The following PPP3CA variants were observed in gnomAD, a reference collection of about 807,000 sequenced individuals.
PPP3CA encodes the protein protein phosphatase 3 catalytic subunit alpha.
Under a neutral mutation model 66.5 loss-of-function variants are expected in PPP3CA, and 14 were observed. The observed-to-expected ratio is 0.21, with a 90% CI of 0.14 to 0.33. The LOEUF (loss-of-function observed/expected upper bound fraction) is 0.33. Ranked by LOEUF, PPP3CA falls within the 10% of genes least tolerant of loss-of-function variation. The pLI, the probability that PPP3CA is intolerant of heterozygous loss-of-function variation, is 1.00. For synonymous variants in PPP3CA, 232 were observed against 226.2 expected (o/e 1.03, Z -0.23); for missense variants, 317 against 639.5 (o/e 0.50, Z 5.44).
At chr4:101,260,491 C>A (rs905258436) in intron 1 of PPP3CA, among the ~76,000 whole-genome samples, 2 of 152,112 alleles carry the variant, frequency 1.3e-5, no homozygotes, top group African/African-American at 4.8e-5. Context: ...CCATTCTAGT[C>A]CATATGGAAA....
chr4:101,129,751 AT>A (rs1235847224), intron 2 of PPP3CA, among the ~76,000 whole-genome samples: 1 of 152,232 alleles, frequency 6.6e-6, no homozygotes, highest in African/African-American at 2.4e-5. Context: ...GGTCAACAGC[AT>A]CAAAGACCAA....
intron 8 of PPP3CA, 68 bp from the exon 9 acceptor site, chr4:101,063,425 T>A (rs1728555703): frequency 2.7e-6 from 4 of 1,505,664 alleles, no homozygotes; most frequent in Non-Finnish European, 2.7e-6. Context: ...TGGCTTTAGC[T>A]CATCAAGAAA....
intron 6 of PPP3CA, among the ~76,000 whole-genome samples, chr4:101,090,999 ATC>A (rs1284394039): frequency 6.6e-6 from 1 of 150,738 alleles, no homozygotes; most frequent in Non-Finnish European, 1.5e-5. Flanking sequence ...ATATATACAC[ATC>A]TGTGTCTAAT....
chr4:101,252,268 C>T (rs772741979), intron 1 of PPP3CA, among the ~76,000 whole-genome samples: 5 of 152,136 alleles, frequency 3.3e-5, no homozygotes, highest in Non-Finnish European at 7.4e-5. Context: ...GACATTTTCC[C>T]ATGTTAGTCG....
chr4:101,277,244 T>C (rs1401635688), intron 1 of PPP3CA, among the ~76,000 whole-genome samples: 2 of 152,162 alleles, frequency 1.3e-5, no homozygotes, highest in Admixed American at 1.3e-4. Context: ...CTCATTTCTT[T>C]ATATCTCTGA....
chr4:101,139,696 G>GTTTTTTTTTTTTTTTTTTT (rs372257350), intron 2 of PPP3CA, among the ~76,000 whole-genome samples: 7 of 98,404 alleles, frequency 7.1e-5, no homozygotes, highest in African/African-American at 8.0e-5. Context: ...TTTTTTTTGT[G>GTTTTTTTTTTTTTTTTTTT]TTTTTTTTTT....
intron 8 of PPP3CA, among the ~76,000 whole-genome samples, chr4:101,074,316 T>C (rs1729052387): frequency 1.3e-5 from 2 of 152,166 alleles, no homozygotes; most frequent in Admixed American, 1.3e-4. Flanking sequence ...AGATCTGAGC[T>C]AGCTGATTCT....
chr4:101,208,376 A>G (rs1432423848), intron 1 of PPP3CA, among the ~76,000 whole-genome samples: 7 of 152,220 alleles, frequency 4.6e-5, no homozygotes, highest in Admixed American at 1.3e-4. Context: ...ACCACAGCGC[A>G]GTTCCACACC....
chr4:101,338,351 C>A (rs903677099), intron 1 of PPP3CA, among the ~76,000 whole-genome samples: 6 of 152,224 alleles, frequency 3.9e-5, no homozygotes, highest in African/African-American at 1.4e-4. Flanking sequence ...CAAGTCAAGA[C>A]TCATCAGACA....
intron 1 of PPP3CA, among the ~76,000 whole-genome samples, chr4:101,326,327 T>C (rs1333185302): frequency 6.6e-6 from 1 of 152,214 alleles, no homozygotes; most frequent in Non-Finnish European, 1.5e-5. Context: ...AGAAAATTAT[T>C]TAGCATCTTT....
chr4:101,327,687 G>A (rs1478187771), intron 1 of PPP3CA, among the ~76,000 whole-genome samples: 1 of 148,196 alleles, frequency 6.7e-6, no homozygotes, highest in Non-Finnish European at 1.5e-5. Flanking sequence ...TATAAATGTT[G>A]GGCATAATGA....
intron 2 of PPP3CA, among the ~76,000 whole-genome samples, chr4:101,129,702 A>G (rs905227705): frequency 6.6e-6 from 1 of 152,228 alleles, no homozygotes; most frequent in South Asian, 2.1e-4. Flanking sequence ...TAGCATCAAC[A>G]TCAACAAAAA....
intron 1 of PPP3CA, among the ~76,000 whole-genome samples, chr4:101,292,081 AACACACACACACACACACAC>A (rs3974776): frequency 1.9e-4 from 25 of 130,638 alleles, no homozygotes; most frequent in African/African-American, 2.9e-4. Context: ...TGAGCCCATG[AACACACACACACACACACAC>A]ACACACACAC....
chr4:101,311,623 T>C (rs765142644), intron 1 of PPP3CA, among the ~76,000 whole-genome samples: 4 of 152,008 alleles, frequency 2.6e-5, no homozygotes, highest in Non-Finnish European at 2.9e-5. Flanking sequence ...CTAGCAAAAG[T>C]AAAATAATTA....
intron 1 of PPP3CA, among the ~76,000 whole-genome samples, chr4:101,216,939 A>G (rs186156947): frequency 6.6e-6 from 1 of 152,272 alleles, no homozygotes; most frequent in Admixed American, 6.5e-5. Context: ...CAAAGAAGCT[A>G]CTAAAAACAT....
At chr4:101,181,618 C>G (rs970164928) in intron 2 of PPP3CA, among the ~76,000 whole-genome samples, 4 of 151,864 alleles carry the variant, frequency 2.6e-5, no homozygotes, top group African/African-American at 7.3e-5. Context: ...ACAGAAAAGC[C>G]CACTATACTT....
chr4:101,324,068 A>G (rs939594115), intron 1 of PPP3CA, among the ~76,000 whole-genome samples: 1 of 151,746 alleles, frequency 6.6e-6, no homozygotes, highest in African/African-American at 2.4e-5. Flanking sequence ...AGATCGCACC[A>G]CTGCACTCCA....
chr4:101,298,339 GAT>G (rs3078022), intron 1 of PPP3CA, among the ~76,000 whole-genome samples: 2,705 of 143,190 alleles, frequency 0.019, 80 homozygotes, highest in African/African-American at 0.057. Context: ...CAAGCAGGGA[GAT>G]ATATATATAT....
intron 9 of PPP3CA, 79 bp downstream of exon 9, chr4:101,063,153 T>C: frequency 2.0e-6 from 3 of 1,493,684 alleles, no homozygotes; most frequent in Non-Finnish European, 2.7e-6. Context: ...CCAAAGTTCT[T>C]CTCTTTCTGA....
Sources: allele counts gnomAD v4.1 joint callset (sites outside exome capture counted in the v4.1 genomes callset), GRCh38; gene constraint gnomAD v4.1.1; transcripts MANE v1.5; gene names NCBI Gene and HGNC (gene_info 2026-07-23, HGNC 2026-07-21).